Variants in INO80D observed in about 807,000 individuals in gnomAD.
The protein encoded by INO80D is INO80 complex subunit D.
INO80D carries 21 observed loss-of-function variants against 87.6 expected under a neutral mutation model. The ratio of observed to expected loss-of-function variants is 0.24; its 90% CI spans 0.17 to 0.35. INO80D has a LOEUF of 0.35. Among genes scored for constraint, INO80D ranks in the 10% least tolerant of loss-of-function variants. The pLI, the probability that INO80D is intolerant of heterozygous loss-of-function variation, is 1.00. For synonymous variants in INO80D, 440 were observed against 491.0 expected, an observed-to-expected ratio of 0.90 and a Z score of 1.37; for missense variants, 982 against 1,280.7, an observed-to-expected ratio of 0.77 and a Z score of 3.56.
chr2:206,063,639 A>G (rs2105891750), intron 1 of INO80D: 1 of 152,364 alleles, frequency 6.6e-6, no homozygotes, highest in East Asian at 1.9e-4. Flanking sequence ...GGTTGCAGTG[A>G]GCCGAGATCA....
In INO80D at chr2:206,000,472, T is replaced by G. The variant is rs2105786816; in HGVS notation, c.*3896A>C. Reference sequence around the variant, plus strand: ...CGGCATTTACTAGATATGCTCAAATTCTAATCCCACTTTATAAAAACAGAA... The same window carrying G: ...CGGCATTTACTAGATATGCTCAAATGCTAATCCCACTTTATAAAAACAGAA... On this transcript the variant is annotated 3_prime_UTR_variant, in exon 11 of 11. Transcript: ENST00000403263. 6.6e-6 allele frequency: 1 copy of G among 150,842 alleles called. No homozygotes were observed. The highest frequency in any genetic ancestry group is 2.4e-5 in the African/African-American group (1 of 41,024). The allele number at this position is 150,842 out of a possible 1,614,324, so 9.3% of individuals were successfully genotyped here.
In INO80D at chr2:206,056,184, A is replaced by G. The variant is rs374092601; in HGVS notation, c.964+14T>C. On this transcript the variant is annotated intron_variant, in intron 4 of 10. Coordinates refer to ENST00000403263, the MANE Select transcript of INO80D (RefSeq NM_017759.5). ...ATATTATGTGTCTATGATACGATAA[A>G]ATAGATAACTCACCTAAATGGGGAA... is the stretch of plus-strand genomic sequence containing the variant. The G allele has an allele frequency of 6.4e-7, 1 of 1,552,054 alleles. No individual in the cohort carries two copies.
chr2:206,040,537 G>T (rs533539960), intron 5 of INO80D: 4 of 235,366 alleles, frequency 1.7e-5, no homozygotes, highest in Admixed American at 8.4e-5. Context: ...TGGCACCTCA[G>T]ACTGCCCCTA....
chr2:206,084,165 AAT>A (rs942140278), intron 1 of INO80D, among the ~76,000 whole-genome samples: 11 of 151,562 alleles, frequency 7.3e-5, no homozygotes, highest in African/African-American at 2.4e-4. Flanking sequence ...TGTGTGTATG[AAT>A]ATATATGTGT....
intron 6 of INO80D, 63 bp downstream of exon 6, chr2:206,028,048 C>T: frequency 8.4e-7 from 1 of 1,189,380 alleles, no homozygotes; most frequent in African/African-American, 1.5e-5. Flanking sequence ...CAACTATCCT[C>T]TCACAAAATA....
At chr2:206,077,678 C>G (rs917653737) in intron 1 of INO80D, among the ~76,000 whole-genome samples, 17 of 152,280 alleles carry the variant, frequency 1.1e-4, no homozygotes, top group African/African-American at 3.6e-4. Flanking sequence ...TACAGAAACC[C>G]TGCATTACAG....
intron 1 of INO80D, among the ~76,000 whole-genome samples, chr2:206,078,929 A>T (rs1220668525): frequency 2.0e-5 from 3 of 152,220 alleles, no homozygotes; most frequent in African/African-American, 7.2e-5. Context: ...CAACAGAGTG[A>T]GACTTTGTCT....
intron 8 of INO80D, among the ~76,000 whole-genome samples, chr2:206,016,231 C>T (rs1223493959): frequency 6.6e-6 from 1 of 152,222 alleles, no homozygotes; most frequent in Non-Finnish European, 1.5e-5. Context: ...TTTGCATGAG[C>T]TTGACCTGGA....
Position 206,019,851 on chromosome 2 carries a change from G to T in INO80D, c.1299-6C>A, listed in dbSNP as rs1373747131. Reference sequence around the variant, plus strand: ...TCAGCTTGGTCCGGCTTATGCTAAGGAAAGAAAAACAGAGAATTAATTTTT... The same window carrying T: ...TCAGCTTGGTCCGGCTTATGCTAAGTAAAGAAAAACAGAGAATTAATTTTT... On this transcript the variant is annotated splice_polypyrimidine_tract_variant and splice_region_variant and intron_variant, in intron 6 of 10. Transcript: ENST00000403263. 2.5e-6 allele frequency: 4 copies of T among 1,608,304 alleles called. No homozygotes were observed. The highest frequency in any genetic ancestry group is 2.2e-5 in the South Asian group (2 of 90,332).
intron 1 of INO80D, among the ~76,000 whole-genome samples, chr2:206,084,298 A>C (rs1340398231): frequency 6.6e-6 from 1 of 151,198 alleles, no homozygotes; most frequent in East Asian, 1.9e-4. Context: ...TAGTTTTGCT[A>C]GGTTCCGAGG....
rs1236187231 is a variant in INO80D at position 206,003,618 on chromosome 2, C to G, written c.*750G>C. ...CTACTCACACGACCAGTCCACCACC[C>G]TCCCTATTCAGGAAACTTGAGGAAA... is the stretch of plus-strand genomic sequence containing the variant. On this transcript the variant is annotated 3_prime_UTR_variant, in exon 11 of 11. Coordinates refer to ENST00000403263, the MANE Select transcript of INO80D (RefSeq NM_017759.5). 1 of 152,286 alleles carries G rather than the reference C, an allele frequency of 6.6e-6. No homozygotes were observed. The highest frequency in any genetic ancestry group is 1.5e-5 in the Non-Finnish European group (1 of 68,152). The allele number at this position is 152,286 out of a possible 1,614,324, so 9.4% of individuals were successfully genotyped here.
chr2:206,026,792 A>G (rs57771376), intron 6 of INO80D, among the ~76,000 whole-genome samples: 77 of 151,946 alleles, frequency 5.1e-4, no homozygotes, highest in African/African-American at 1.8e-3. Flanking sequence ...ATTACCACCA[A>G]AATGGTAATA....
chr2:206,001,757 T>A lies in INO80D; in HGVS notation c.*2611A>T. 1 of 152,176 alleles carries A rather than the reference T, an allele frequency of 6.6e-6. No homozygotes were observed. The highest frequency in any genetic ancestry group is 3.2e-3 in the Middle Eastern group (1 of 316). The allele number at this position is 152,176 out of a possible 1,614,324, so 9.4% of individuals were successfully genotyped here. A position where few individuals can be genotyped will look rare whatever the true frequency, so the allele number is the denominator to read the frequency against. ...ACTTTGATATCTGTTTTGAACTAGATAAAATAAGAGGAAAAGTTTGTTGTT... is the reference window on the plus strand; with the variant it reads ...ACTTTGATATCTGTTTTGAACTAGAAAAAATAAGAGGAAAAGTTTGTTGTT... On this transcript the variant is annotated 3_prime_UTR_variant, in exon 11 of 11. Transcript: ENST00000403263.
intron 5 of INO80D, among the ~76,000 whole-genome samples, chr2:206,038,384 A>G (rs1339716932): frequency 2.0e-5 from 3 of 152,254 alleles, no homozygotes; most frequent in Non-Finnish European, 4.4e-5. Context: ...AACACTTAAC[A>G]GCATATGGTA....
At chr2:206,010,111 G>C (rs1271079428) in intron 8 of INO80D, among the ~76,000 whole-genome samples, 3 of 149,332 alleles carry the variant, frequency 2.0e-5, no homozygotes, top group African/African-American at 4.9e-5. Flanking sequence ...CCAGTTCTTT[G>C]TACTGGCATC....
chr2:206,072,747 C>T (rs973460273), intron 1 of INO80D, among the ~76,000 whole-genome samples: 6 of 151,864 alleles, frequency 4.0e-5, no homozygotes, highest in Non-Finnish European at 8.8e-5. Context: ...TAAACTATTC[C>T]ACAATAATAT....
chr2:206,008,828 G>C (rs1195573285), intron 9 of INO80D, among the ~76,000 whole-genome samples: 1 of 152,108 alleles, frequency 6.6e-6, no homozygotes, highest in Non-Finnish European at 1.5e-5. Flanking sequence ...CTTTTTAGTA[G>C]AATTTCAAAT....
chr2:206,013,159 C>T (rs1330270460), intron 8 of INO80D, among the ~76,000 whole-genome samples: 1 of 151,910 alleles, frequency 6.6e-6, no homozygotes, highest in Non-Finnish European at 1.5e-5. Flanking sequence ...TATACTAATT[C>T]AGTCTTAGGT....
chr2:206,001,242 A>G lies in INO80D; in HGVS notation c.*3126T>C, dbSNP rs1025345602. ...GAGAAAAAGCCCATCTTTTCTTCAG[A>G]TACTACTGATCATAGCCAGTGAATA... On this transcript the variant is annotated 3_prime_UTR_variant, in exon 11 of 11. Transcript: ENST00000403263. 3.9e-5 allele frequency: 6 copies of G among 152,236 alleles called. No homozygotes were observed. The highest frequency in any genetic ancestry group is 1.2e-4 in the African/African-American group (5 of 41,470). The allele number at this position is 152,236 out of a possible 1,614,324, so 9.4% of individuals were successfully genotyped here.
Sources: gnomAD v4.1 joint callset for allele counts (sites outside exome capture counted in the v4.1 genomes callset) on GRCh38, gnomAD v4.1.1 for gene constraint, MANE v1.5 for transcripts, NCBI Gene and HGNC (gene_info 2026-07-23, HGNC 2026-07-21) for gene names.